Variants in MED12L observed in about 807,000 individuals in gnomAD.
MED12L encodes mediator of RNA polymerase II transcription subunit 12-like protein.
Under a neutral mutation model 281.3 loss-of-function variants are expected in MED12L, and 60 were observed. The observed-to-expected ratio is 0.21, with a 90% CI of 0.17 to 0.26. The LOEUF is 0.26. MED12L is among the 10% of genes least tolerant of loss of function. The pLI is 1.00. For missense variants in MED12L, 2,146 were observed against 2,680.9 expected (o/e 0.80, Z 4.41); for synonymous variants, 974 against 987.2 (o/e 0.99, Z 0.25).
intron 32 of MED12L, 43 bp downstream of exon 32, chr3:151,380,267 A>G: frequency 7.7e-7 from 1 of 1,306,834 alleles, no homozygotes; most frequent in South Asian, 1.3e-5. Flanking sequence ...TATCTTTCTA[A>G]CGGCATTCAT....
At chr3:151,131,973 G>T (rs546325479) in intron 5 of MED12L, among the ~76,000 whole-genome samples, 11 of 152,048 alleles carry the variant, frequency 7.2e-5, no homozygotes, top group Admixed American at 3.3e-4. Context: ...GATAACATAC[G>T]ATTCTGTTTT....
intron 27 of MED12L, among the ~76,000 whole-genome samples, chr3:151,375,667 A>G (rs1201552463): frequency 6.6e-6 from 1 of 152,180 alleles, no homozygotes; most frequent in Non-Finnish European, 1.5e-5. Context: ...CATAAAAATT[A>G]TGAAGAACGT....
At chr3:151,359,377 C>A (rs996791401) in intron 20 of MED12L, among the ~76,000 whole-genome samples, 2 of 152,124 alleles carry the variant, frequency 1.3e-5, no homozygotes, top group African/African-American at 4.8e-5. Flanking sequence ...CTTTTACCTG[C>A]TGCTAGGTAG....
At chr3:151,393,073 G>A (rs1714496986) in intron 38 of MED12L, among the ~76,000 whole-genome samples, 1 of 152,124 alleles carries the variant, frequency 6.6e-6, no homozygotes, top group Non-Finnish European at 1.5e-5. Flanking sequence ...AAATGCTGCT[G>A]AATGACTTTG....
chr3:151,114,458 A>G (rs1712414047), intron 2 of MED12L, among the ~76,000 whole-genome samples: 1 of 152,228 alleles, frequency 6.6e-6, no homozygotes, highest in African/African-American at 2.4e-5. Flanking sequence ...TTAGGTGCTT[A>G]AATGTCATAA....
chr3:151,241,841 G>C (rs1378361456), intron 16 of MED12L: 1 of 154,576 alleles, frequency 6.5e-6, no homozygotes, highest in Non-Finnish European at 1.4e-5. Context: ...CGACGCAGAA[G>C]ACGGTGATTT....
chr3:151,258,655 G>GCCT (rs1738275389), intron 16 of MED12L, among the ~76,000 whole-genome samples: 1 of 151,922 alleles, frequency 6.6e-6, no homozygotes, highest in African/African-American at 2.4e-5. Context: ...TAAGAGTCCA[G>GCCT]CCTGATCAAC....
intron 2 of MED12L, among the ~76,000 whole-genome samples, chr3:151,115,821 G>A (rs987971852): frequency 3.3e-5 from 5 of 151,680 alleles, no homozygotes; most frequent in Non-Finnish European, 7.4e-5. Flanking sequence ...ACTTTGGGAG[G>A]CTGAGGCCAG....
At chr3:151,103,579 C>G (rs1368841233) in intron 2 of MED12L, among the ~76,000 whole-genome samples, 1 of 152,088 alleles carries the variant, frequency 6.6e-6, no homozygotes, top group Admixed American at 6.5e-5. Context: ...TCATTTTGGG[C>G]CATATGTGCT....
At chr3:151,244,786 A>G (rs186148755) in intron 16 of MED12L, among the ~76,000 whole-genome samples, 11 of 152,346 alleles carry the variant, frequency 7.2e-5, no homozygotes, top group Admixed American at 2.6e-4. Flanking sequence ...ACTCAAGGAA[A>G]TAGAGTCACA....
rs1560102418 is a variant in MED12L, at chr3:151,156,336, C to CT, written c.726+10dup. 1 of 1,599,136 alleles carries CT rather than the reference C, an allele frequency of 6.3e-7. No individual in the cohort carries two copies. ...TAGCATTTCACATGTTCCAGGTAAC[C>CT]TTTTGAAGACATGCAGAGTTGTGTG... is the stretch of plus-strand genomic sequence containing the variant. On this transcript the variant is annotated splice_region_variant and intron_variant, in intron 6 of 44. Transcript: ENST00000687756.
chr3:151,400,193 G>GTT (rs2108290090), intron 39 of MED12L, among the ~76,000 whole-genome samples: 1 of 152,190 alleles, frequency 6.6e-6, no homozygotes, highest in East Asian at 1.9e-4. Flanking sequence ...GCAATCTAAA[G>GTT]TTTTGACCCA....
At chr3:151,142,646 G>A (rs1209477034) in intron 5 of MED12L, among the ~76,000 whole-genome samples, 1 of 151,996 alleles carries the variant, frequency 6.6e-6, no homozygotes, top group African/African-American at 2.4e-5. Context: ...TGTAGATTTT[G>A]TGTATTTTTT....
intron 25 of MED12L, among the ~76,000 whole-genome samples, chr3:151,368,696 TTTCATTTC>T (rs1560087672): frequency 0.013 from 711 of 53,722 alleles, 1 homozygote; most frequent in Middle Eastern, 0.03. Context: ...TTTTATTTCA[TTTCATTTC>T]ATTTCATTTC....
Position 151,165,503 on chromosome 3 carries a change from C to T in MED12L, c.1341C>T (p.Cys447=), listed in dbSNP as rs374253647. The T allele has an allele frequency of 2.5e-6, 4 of 1,612,856 alleles. No individual in the cohort carries two copies. The highest frequency in any genetic ancestry group is 2.7e-5 in the African/African-American group (2 of 74,864). ...AVEVRWSFDK[C]QESTAGVTIS... ...AAGTTCGGTGGTCATTTGACAAGTG[C>T]CAAGAATCCACAGCAGGTACAGAAT... Residue 447 remains cysteine (C), a synonymous_variant, in exon 10 of 45, where the codon TGC becomes TGT. Coordinates refer to ENST00000687756, the MANE Select transcript of MED12L (RefSeq NM_001393769.1).
chr3:151,369,672 C>G (rs942347885), intron 26 of MED12L, 123 bp downstream of exon 26: 3 of 604,202 alleles, frequency 5.0e-6, no homozygotes, highest in Admixed American at 3.4e-5. Context: ...CGCTTATTCT[C>G]CTGGAAAAAT....
intron 17 of MED12L, 51 bp from the exon 18 acceptor site, chr3:151,355,070 C>T (rs367858892): frequency 2.1e-5 from 28 of 1,348,284 alleles, no homozygotes; most frequent in Non-Finnish European, 2.8e-5. Flanking sequence ...TTAAAAATGT[C>T]GAGAGCTTCT....
chr3:151,177,653 CT>C (rs199986322), intron 11 of MED12L, among the ~76,000 whole-genome samples: 11,174 of 145,122 alleles, frequency 0.077, 928 homozygotes, highest in East Asian at 0.21. Context: ...CCATGCCTGG[CT>C]TTTTTTTTTT....
chr3:151,339,447 T>C (rs1399485132), intron 16 of MED12L, among the ~76,000 whole-genome samples: 1 of 133,330 alleles, frequency 7.5e-6, no homozygotes, highest in African/African-American at 2.8e-5. Flanking sequence ...AAAAAAAAGC[T>C]GACCTTTTTT....
Sources: allele counts gnomAD v4.1 joint callset (sites outside exome capture counted in the v4.1 genomes callset), GRCh38; gene constraint gnomAD v4.1.1; transcripts MANE v1.5; gene names NCBI Gene and HGNC (gene_info 2026-07-23, HGNC 2026-07-21).